Variants in DAPK2 observed in about 807,000 individuals in gnomAD.
DAPK2 encodes the protein death-associated protein kinase 2.
DAPK2 carries 35 observed loss-of-function variants against 44.1 expected under a neutral mutation model. The ratio of observed to expected loss-of-function variants is 0.79; its 90% CI spans 0.61 to 1.05. DAPK2 has a LOEUF of 1.05. Ranked by LOEUF, DAPK2 falls within the 50% of genes least tolerant of loss-of-function variation. DAPK2 has a pLI of 0.00. For missense variants in DAPK2, 453 were observed against 483.2 expected, an observed-to-expected ratio of 0.94 and a Z score of 0.59; for synonymous variants, 174 against 182.6, an observed-to-expected ratio of 0.95 and a Z score of 0.38.
At chr15:64,012,118 C>T (rs1208680998) in intron 1 of DAPK2, among the ~76,000 whole-genome samples, 2 of 152,186 alleles carry the variant, frequency 1.3e-5, no homozygotes, top group Non-Finnish European at 2.9e-5. Context: ...TCTTAAAAGT[C>T]CTGGCAAACA....
chr15:64,028,188 T>A (rs332241), intron 1 of DAPK2, among the ~76,000 whole-genome samples: 125,293 of 152,136 alleles, frequency 0.82, 51,907 homozygotes, highest in East Asian at 0.92. Flanking sequence ...CCTCCCAGGT[T>A]GCTGGGACTA....
At position 63,923,029 on chromosome 15, in the gene DAPK2, C is replaced by T. The variant is rs1421473357; in HGVS notation, c.858+1787G>A. On this transcript the variant is annotated intron_variant, in intron 8 of 10. Coordinates refer to ENST00000261891, the Ensembl canonical transcript of DAPK2. The surrounding 1 kb of genome is among the most constrained non-coding windows in gnomAD (Gnocchi z 4.2). ...TCTTCAATGACTCCACCTTGCGGAA[C>T]TCATACCTGAGCTGGGACAGGTCAT... 1.3e-6 allele frequency: 2 copies of T among 1,535,802 alleles called. No individual in the cohort carries two copies. Among genetic ancestry groups the T allele is most frequent in the Non-Finnish European group, 8.7e-7 (1 of 1,146,754 alleles).
intron 1 of DAPK2, among the ~76,000 whole-genome samples, chr15:64,006,080 G>A (rs1000417936): frequency 8.9e-5 from 13 of 146,610 alleles, no homozygotes; most frequent in Non-Finnish European, 1.2e-4. Context: ...TCTGCAACAC[G>A]TACAAACCCA....
intron 1 of DAPK2, among the ~76,000 whole-genome samples, chr15:63,995,570 T>C (rs1281322889): frequency 1.3e-5 from 2 of 152,246 alleles, no homozygotes; most frequent in East Asian, 3.8e-4. Flanking sequence ...AGCAATTCTG[T>C]GCCTCAGTGA....
rs778172105 is a variant in DAPK2, at chr15:63,983,565, C to G, written c.282G>C (p.Glu94Asp). 1.4e-5 allele frequency: 22 copies of G among 1,614,094 alleles called. No individual in the cohort carries two copies. In the South Asian group the frequency reaches 2.4e-4, roughly 18 times the overall value. Residue 94 changes from glutamate (E) to aspartate (D), a missense_variant, in exon 2 of 11, where the codon GAG becomes GAC. Physicochemically the swap from Glu to Asp is conservative, Grantham distance 45. Transcript: ENST00000261891. ...GGATGAGCACCACGTCGGTGCGGTT[C>G]TCATAGACGTCGTGCAGCGTGATGA... is the stretch of plus-strand genomic sequence containing the variant.
intron 4 of DAPK2, among the ~76,000 whole-genome samples, chr15:63,932,293 C>T (rs2076983819): frequency 6.6e-6 from 1 of 151,694 alleles, no homozygotes; most frequent in South Asian, 2.1e-4. Context: ...TGGAGAAACC[C>T]TGTCTCAACT....
At chr15:63,913,140 G>A (rs997718530) in intron 8 of DAPK2, among the ~76,000 whole-genome samples, 2 of 152,126 alleles carry the variant, frequency 1.3e-5, no homozygotes, top group Admixed American at 6.5e-5. Context: ...TATATAAAAT[G>A]TCCAGAACAG....
At chr15:63,964,967 T>C (rs2078013714) in intron 3 of DAPK2, among the ~76,000 whole-genome samples, 1 of 152,158 alleles carries the variant, frequency 6.6e-6, no homozygotes, top group African/African-American at 2.4e-5. Flanking sequence ...TTTAGTTCAT[T>C]TGGTGAAGTC....
Position 63,993,155 on chromosome 15 carries a change from C to A in DAPK2, c.93-9401G>T, listed in dbSNP as rs148361950. Among the ~76,000 whole-genome samples the A allele has an allele frequency of 3.0e-3, 459 of 152,238 alleles. 2 individuals are homozygous for A. Among genetic ancestry groups the A allele is most frequent in the African/African-American group, 0.011 (439 of 41,520 alleles). On this transcript the variant is annotated intron_variant, in intron 1 of 10. Transcript: ENST00000261891. ...CTTTCCACCTCTTCCTGGCCCACAA[C>A]CCCCTGTGATCTTTCCCATAATTCA...
intron 1 of DAPK2, among the ~76,000 whole-genome samples, chr15:63,994,926 T>C (rs1481751352): frequency 6.6e-6 from 1 of 152,136 alleles, no homozygotes; most frequent in Non-Finnish European, 1.5e-5. Context: ...GAGATGGTAC[T>C]GTAGATACTA....
chr15:63,915,473 T>C (rs1344003195), intron 8 of DAPK2, among the ~76,000 whole-genome samples: 2 of 152,220 alleles, frequency 1.3e-5, no homozygotes, highest in Admixed American at 6.5e-5. Flanking sequence ...ATGGGATTAG[T>C]AGACTCTGGG....
At chr15:63,926,295 A>C in intron 6 of DAPK2, 1 of 508,912 alleles carries the variant, frequency 2.0e-6, no homozygotes, top group Non-Finnish European at 3.4e-6. Context: ...CCTCCTAAGC[A>C]CCCGACAGAG....
chr15:64,023,138 G>A (rs567236961), intron 1 of DAPK2, among the ~76,000 whole-genome samples: 80 of 152,306 alleles, frequency 5.3e-4, no homozygotes, highest in African/African-American at 1.8e-3. Flanking sequence ...GGGCGATGTG[G>A]AGGAGGGTGG....
intron 3 of DAPK2, among the ~76,000 whole-genome samples, chr15:63,943,148 G>A (rs934440445): frequency 2.0e-5 from 3 of 151,910 alleles, no homozygotes; most frequent in African/African-American, 4.8e-5. Context: ...GACTAGCCAG[G>A]TGTGGTGGCT....
At chr15:63,942,240 C>T in intron 3 of DAPK2, 1 of 985,380 alleles carries the variant, frequency 1.0e-6, no homozygotes, top group Non-Finnish European at 1.2e-6. Context: ...GAGATGGTTT[C>T]TTCACTGGTC....
At chr15:64,046,325 G>T, upstream of DAPK2, 1 of 958,048 alleles carries the variant, frequency 1.0e-6, no homozygotes, top group African/African-American at 2.5e-5. This position sits in a 1 kb window ranked among gnomAD's most constrained non-coding sequence, Gnocchi z 5.3. Flanking sequence ...CCGCGGTCGC[G>T]GCCGCGGCAG....
At chr15:63,952,814 T>C (rs1039225170) in intron 3 of DAPK2, among the ~76,000 whole-genome samples, 4 of 152,176 alleles carry the variant, frequency 2.6e-5, no homozygotes, top group South Asian at 4.1e-4. Context: ...AAAGCAATTA[T>C]GCTCTTTTAG....
intron 1 of DAPK2, among the ~76,000 whole-genome samples, chr15:63,987,069 CTG>C (rs1405669498): frequency 2.6e-5 from 4 of 152,336 alleles, no homozygotes; most frequent in Middle Eastern, 6.8e-3. Context: ...AGTCTAACTG[CTG>C]TGTTATGAAT....
intron 3 of DAPK2, among the ~76,000 whole-genome samples, chr15:63,959,683 C>T (rs917192892): frequency 6.6e-6 from 1 of 152,190 alleles, no homozygotes; most frequent in African/African-American, 2.4e-5. Context: ...GTTGAACCAG[C>T]CTTGCATCCC....
Sources: allele counts gnomAD v4.1 joint callset (sites outside exome capture counted in the v4.1 genomes callset), GRCh38; gene constraint gnomAD v4.1.1; non-coding constraint Gnocchi (gnomAD v3.1); transcripts MANE v1.5; gene names NCBI Gene and HGNC (gene_info 2026-07-23, HGNC 2026-07-21).